Variants in EPHA6 observed in about 807,000 individuals in gnomAD.
The protein encoded by EPHA6 is ephrin type-A receptor 6.
Under a neutral mutation model 112.0 loss-of-function variants are expected in EPHA6, and 50 were observed. The ratio of observed to expected loss-of-function variants is 0.45; its 90% CI spans 0.36 to 0.56. EPHA6 has a LOEUF of 0.56. Among genes scored for constraint, EPHA6 ranks in the 20% least tolerant of loss-of-function variants. EPHA6 has a pLI of 0.00. For synonymous variants in EPHA6, 529 were observed against 490.7 expected (o/e 1.08, Z -1.03); for missense variants, 1,280 against 1,417.4 (o/e 0.90, Z 1.56).
At chr3:97,567,664 G>A (rs2093284811) in intron 11 of EPHA6, among the ~76,000 whole-genome samples, 1 of 152,184 alleles carries the variant, frequency 6.6e-6, no homozygotes, top group Non-Finnish European at 1.5e-5. Context: ...GAAACACAGG[G>A]TAGAGATCGA....
At chr3:97,346,228 A>G (rs1356639410) in intron 5 of EPHA6, among the ~76,000 whole-genome samples, 5 of 152,110 alleles carry the variant, frequency 3.3e-5, no homozygotes, top group Non-Finnish European at 7.4e-5. Context: ...AATTTTTGAA[A>G]TGCACAATTT....
At chr3:97,154,918 T>A (rs2076254979) in intron 3 of EPHA6, among the ~76,000 whole-genome samples, 1 of 152,170 alleles carries the variant, frequency 6.6e-6, no homozygotes, top group Non-Finnish European at 1.5e-5. Context: ...ACCACATTCA[T>A]CTGAATATAT....
At chr3:96,974,820 TC>T (rs1457438039) in intron 2 of EPHA6, among the ~76,000 whole-genome samples, 1 of 152,144 alleles carries the variant, frequency 6.6e-6, no homozygotes, top group African/African-American at 2.4e-5. Context: ...TGTCTTAAGA[TC>T]CATATAACAA....
chr3:97,096,312 T>C (rs2047237216), intron 3 of EPHA6, among the ~76,000 whole-genome samples: 1 of 151,724 alleles, frequency 6.6e-6, no homozygotes, highest in Admixed American at 6.6e-5. Context: ...CATGTCTATA[T>C]CTATATCTAT....
At chr3:96,905,637 T>C (rs570266918) in intron 2 of EPHA6, among the ~76,000 whole-genome samples, 4 of 152,196 alleles carry the variant, frequency 2.6e-5, no homozygotes. Flanking sequence ...CATGTGTTTT[T>C]TTCACTTGTG....
intron 3 of EPHA6, among the ~76,000 whole-genome samples, chr3:97,214,105 C>A (rs1490634955): frequency 6.6e-6 from 1 of 151,330 alleles, no homozygotes; most frequent in Admixed American, 6.6e-5. Context: ...GTGGTGCAAT[C>A]TCAGCTCACT....
intron 5 of EPHA6, among the ~76,000 whole-genome samples, chr3:97,367,870 T>A (rs1559927736): frequency 6.6e-6 from 1 of 152,080 alleles, no homozygotes; most frequent in African/African-American, 2.4e-5. Flanking sequence ...CATATTGTCC[T>A]AAAAAAAGTC....
At chr3:97,562,122 C>T (rs915896394) in intron 11 of EPHA6, among the ~76,000 whole-genome samples, 1 of 152,102 alleles carries the variant, frequency 6.6e-6, no homozygotes, top group Non-Finnish European at 1.5e-5. Flanking sequence ...ATGTTATTTT[C>T]GTGCCTGCTT....
At chr3:97,651,929 G>T (rs1398343874) in intron 14 of EPHA6, among the ~76,000 whole-genome samples, 1 of 151,950 alleles carries the variant, frequency 6.6e-6, no homozygotes, top group Admixed American at 6.6e-5. Context: ...TGTCACTAAA[G>T]TTTGGTGTAT....
At chr3:97,744,548 A>G (rs981767165) in intron 16 of EPHA6, among the ~76,000 whole-genome samples, 1 of 152,018 alleles carries the variant, frequency 6.6e-6, no homozygotes, top group Non-Finnish European at 1.5e-5. Flanking sequence ...GCAGTCGTAT[A>G]AAGGCCAAAG....
chr3:96,911,698 TA>T (rs560151261), intron 2 of EPHA6, among the ~76,000 whole-genome samples: 21 of 152,222 alleles, frequency 1.4e-4, no homozygotes, highest in African/African-American at 4.8e-4. Flanking sequence ...TACAATGGAA[TA>T]TTTTTTAAAG....
intron 3 of EPHA6, among the ~76,000 whole-genome samples, chr3:97,081,920 T>A (rs1247588636): frequency 6.6e-6 from 1 of 151,668 alleles, no homozygotes; most frequent in Admixed American, 6.6e-5. Flanking sequence ...TCAACTTGAA[T>A]GCAAATTTTG....
intron 11 of EPHA6, among the ~76,000 whole-genome samples, chr3:97,575,217 T>C (rs1465194233): frequency 6.6e-6 from 1 of 152,148 alleles, no homozygotes; most frequent in African/African-American, 2.4e-5. Flanking sequence ...AATGCACATA[T>C]TGTTTAACTC....
chr3:97,034,349 T>C (rs1035933665), intron 3 of EPHA6, among the ~76,000 whole-genome samples: 1 of 151,922 alleles, frequency 6.6e-6, no homozygotes, highest in African/African-American at 2.4e-5. Flanking sequence ...CTTCTGTTCC[T>C]TGGGGAGAGT....
chr3:97,154,271 T>G (rs1411747295), intron 3 of EPHA6, among the ~76,000 whole-genome samples: 1 of 152,112 alleles, frequency 6.6e-6, no homozygotes, highest in African/African-American at 2.4e-5. Context: ...CTTTAAACAA[T>G]AATTAATGAA....
At position 97,136,041 on chromosome 3, in the gene EPHA6, G is replaced by A. The variant is rs1017553669; in HGVS notation, c.1115-90223G>A. ...ACCTGAAAGTTCTACATTGAAACAG[G>A]AACCCTCAAAGGAGGTTAAAGTGAT... On this transcript the variant is annotated intron_variant, in intron 3 of 17. Coordinates refer to ENST00000389672, the MANE Select transcript of EPHA6 (RefSeq NM_001080448.3). Among the ~76,000 whole-genome samples, 10 of 152,202 alleles carry A rather than the reference G, an allele frequency of 6.6e-5. 1 individual carries two copies. The South Asian group carries it at 2.1e-3, about 32-fold the overall frequency.
intron 15 of EPHA6, 118 bp downstream of exon 15, chr3:97,720,528 G>GAAGATAAA: frequency 2.4e-6 from 2 of 842,500 alleles, no homozygotes; most frequent in Non-Finnish European, 3.4e-6. Context: ...AACTTCTCAT[G>GAAGATAAA]GTCTATGGCT....
intron 7 of EPHA6, among the ~76,000 whole-genome samples, chr3:97,470,327 T>C (rs2091190128): frequency 6.6e-6 from 1 of 151,760 alleles, no homozygotes; most frequent in South Asian, 2.1e-4. Context: ...GTTGAAATGA[T>C]GAAGACAATT....
rs201549272 is a variant in EPHA6 at position 97,475,361 on chromosome 3, T to G, written c.1904T>G (p.Met635Arg). Reference sequence around the variant, plus strand: ...TGTATCTCTGTTTCAGCTTCTGACATGGCAGCAGAACAAGGACAGATTCTC... The same window carrying G: ...TGTATCTCTGTTTCAGCTTCTGACAGGGCAGCAGAACAAGGACAGATTCTC... ...EFETGDETSDMAAEQGQILVI... is the reference protein window; with the variant it reads ...EFETGDETSDRAAEQGQILVI... Residue 635 changes from methionine (M) to arginine (R), a missense_variant, in exon 8 of 18, where the codon ATG (methionine) becomes AGG (arginine). By Grantham distance (91) the Met-to-Arg change is moderately conservative. This residue lies in a region of EPHA6 where 878 missense variants were observed against 999.7 expected (regional missense o/e 0.88). Transcript: ENST00000389672. The G allele has an allele frequency of 6.4e-4, 1,034 of 1,609,384 alleles. No individual in the cohort carries two copies. Among genetic ancestry groups the G allele is most frequent in the Non-Finnish European group, 8.3e-4 (973 of 1,177,584 alleles).
Sources: allele counts gnomAD v4.1 joint callset (sites outside exome capture counted in the v4.1 genomes callset), GRCh38; gene constraint gnomAD v4.1.1; regional missense constraint gnomAD v4.1.1; transcripts MANE v1.5; gene names NCBI Gene and HGNC (gene_info 2026-07-23, HGNC 2026-07-21).